LEMD3: variants seen among roughly 807,000 people sequenced by gnomAD.
LEMD3 encodes the protein inner nuclear membrane protein Man1.
A neutral mutation model predicts 95.2 loss-of-function variants in LEMD3; 33 were observed. The observed-to-expected ratio is 0.35, with a 90% CI of 0.26 to 0.46. The LOEUF (loss-of-function observed/expected upper bound fraction) is 0.46. Among genes scored for constraint, LEMD3 ranks in the 20% least tolerant of loss-of-function variants. The probability of loss-of-function intolerance (pLI) is 1.00; values close to 1 mark genes in which losing one functional copy is unlikely to be tolerated. For synonymous variants in LEMD3, 525 were observed against 474.6 expected, an observed-to-expected ratio of 1.11 and a Z score of -1.38; for missense variants, 1,210 against 1,192.8, an observed-to-expected ratio of 1.01 and a Z score of -0.21.
chr12:65,198,535 A>G (rs1592440418), intron 1 of LEMD3, among the ~76,000 whole-genome samples: 1 of 152,242 alleles, frequency 6.6e-6, no homozygotes, highest in Admixed American at 6.5e-5. Flanking sequence ...CCCATATTTT[A>G]AGTAGACATA....
intron 1 of LEMD3, among the ~76,000 whole-genome samples, chr12:65,183,124 T>C (rs1178369612): frequency 6.6e-6 from 1 of 152,174 alleles, no homozygotes; most frequent in African/African-American, 2.4e-5. Context: ...CCAGTAGAAA[T>C]ATAAGCCACA....
chr12:65,244,565 T>C (rs569354885), intron 10 of LEMD3, among the ~76,000 whole-genome samples: 1 of 152,304 alleles, frequency 6.6e-6, no homozygotes, highest in Non-Finnish European at 1.5e-5. Context: ...ATGTTAGTCC[T>C]GTATCAATTA....
In LEMD3 at chr12:65,223,117, G is replaced by A. The variant is rs555713668; in HGVS notation, c.1695+4498G>A. Among the ~76,000 whole-genome samples the A allele has an allele frequency of 1.5e-3, 229 of 152,016 alleles. 1 individual carries two copies. Among genetic ancestry groups the A allele is most frequent in the Middle Eastern group, 6.8e-3 (2 of 294 alleles). ...TAAGAATGTGTATTCTACTCCTGTT[G>A]GGTGGAATTTTCTGTATATTTCTGT... On this transcript the variant is annotated intron_variant, in intron 4 of 12. Transcript: ENST00000308330.
intron 10 of LEMD3, among the ~76,000 whole-genome samples, chr12:65,243,896 C>A (rs1329158198): frequency 6.6e-6 from 1 of 152,066 alleles, no homozygotes; most frequent in Non-Finnish European, 1.5e-5. Context: ...ATGTATATAC[C>A]TGCTTCTCTA....
At chr12:65,202,037 A>T (rs1869617338) in intron 1 of LEMD3, among the ~76,000 whole-genome samples, 1 of 144,682 alleles carries the variant, frequency 6.9e-6, no homozygotes. Flanking sequence ...TTGAGATGGA[A>T]TTTTGTTCTT....
At chr12:65,209,395 A>G (rs923529884) in intron 1 of LEMD3, among the ~76,000 whole-genome samples, 3 of 152,164 alleles carry the variant, frequency 2.0e-5, no homozygotes, top group Admixed American at 6.5e-5. Flanking sequence ...TAAAGAGCAA[A>G]TAAAACACCT....
rs1289244689 is a variant in LEMD3, at chr12:65,170,019, G to T, written c.423G>T (p.Ser141=). ...GCAAAGTGCTGCTGGGCTTCAGCTC[G>T]GACGAGTCGGACGTGGAGGCCAGTC... ...AGSKVLLGFS[S]DESDVEASPR... Residue 141 remains serine, a synonymous_variant, in exon 1 of 13, where the codon TCG becomes TCT. Coordinates refer to ENST00000308330, the MANE Select transcript of LEMD3 (RefSeq NM_014319.5). The T allele has an allele frequency of 6.6e-7, 1 of 1,505,788 alleles. No homozygotes were observed. The highest frequency in any genetic ancestry group is 2.4e-5 in the Admixed American group (1 of 42,108). 93.3% of individuals were successfully genotyped at this position (1,505,788 alleles called of 1,614,324 possible).
chr12:65,210,169 C>T (rs1869894806), intron 1 of LEMD3, among the ~76,000 whole-genome samples: 1 of 151,910 alleles, frequency 6.6e-6, no homozygotes, highest in South Asian at 2.1e-4. Flanking sequence ...GTGGTAAATC[C>T]TTTCCTTATT....
intron 2 of LEMD3, among the ~76,000 whole-genome samples, chr12:65,211,233 A>AC (rs1373736779): frequency 1.3e-5 from 2 of 152,182 alleles, no homozygotes; most frequent in Non-Finnish European, 2.9e-5. Context: ...ACTGTAAAAG[A>AC]CTACTGCCAA....
chr12:65,183,353 C>G (rs1454225090), intron 1 of LEMD3, among the ~76,000 whole-genome samples: 2 of 152,054 alleles, frequency 1.3e-5, no homozygotes, highest in African/African-American at 2.4e-5. Context: ...TTCAAGTGCT[C>G]AGTAGCCACA....
chr12:65,178,195 T>C (rs1868788045), intron 1 of LEMD3, among the ~76,000 whole-genome samples: 1 of 151,640 alleles, frequency 6.6e-6, no homozygotes, highest in Non-Finnish European at 1.5e-5. Context: ...TTTGAAGTTT[T>C]ACGAGTTGAC....
intron 4 of LEMD3, among the ~76,000 whole-genome samples, chr12:65,231,278 CA>C (rs1870618229): frequency 6.6e-6 from 1 of 151,970 alleles, no homozygotes; most frequent in South Asian, 2.1e-4. Flanking sequence ...CTGTCAAAAG[CA>C]AAACAGAGAG....
chr12:65,210,345 A>G (rs1425219090), intron 1 of LEMD3, among the ~76,000 whole-genome samples: 1 of 152,116 alleles, frequency 6.6e-6, no homozygotes, highest in Non-Finnish European at 1.5e-5. Context: ...TGAATTATTC[A>G]GTTTTAAAGC....
At position 65,217,237 on chromosome 12, in the gene LEMD3, T is replaced by C. The variant is rs142679930; in HGVS notation, c.1627+1194T>C. Reference sequence around the variant, plus strand: ...TGCCTCTGTCACAACCACTCAGTTATGTTATACCATGAAAGCAGCCATAAA... The same window carrying C: ...TGCCTCTGTCACAACCACTCAGTTACGTTATACCATGAAAGCAGCCATAAA... On this transcript the variant is annotated intron_variant, in intron 3 of 12. Coordinates refer to ENST00000308330, the MANE Select transcript of LEMD3 (RefSeq NM_014319.5). 6.2e-4 allele frequency among the ~76,000 whole-genome samples: 94 copies of C among 152,312 alleles called. No individual in the cohort carries two copies. The South Asian group carries it at 7.7e-3, about 12-fold the overall frequency.
At chr12:65,203,594 G>A (rs939400847) in intron 1 of LEMD3, among the ~76,000 whole-genome samples, 4 of 152,084 alleles carry the variant, frequency 2.6e-5, no homozygotes, top group African/African-American at 9.7e-5. Context: ...ATGTAAGCTT[G>A]TGAAGACTGT....
At chr12:65,193,237 G>A (rs890584869) in intron 1 of LEMD3, among the ~76,000 whole-genome samples, 1 of 152,164 alleles carries the variant, frequency 6.6e-6, no homozygotes, top group African/African-American at 2.4e-5. Context: ...TTTAAAGCAG[G>A]AATGAAAGGA....
chr12:65,177,154 G>T (rs892797713), intron 1 of LEMD3, among the ~76,000 whole-genome samples: 2 of 152,160 alleles, frequency 1.3e-5, no homozygotes, highest in Admixed American at 1.3e-4. Flanking sequence ...ATTTTATTCT[G>T]TAGGTTGAGT....
At chr12:65,194,328 A>G (rs548147784) in intron 1 of LEMD3, among the ~76,000 whole-genome samples, 1 of 152,242 alleles carries the variant, frequency 6.6e-6, no homozygotes, top group Non-Finnish European at 1.5e-5. Flanking sequence ...ATTTTAATTC[A>G]TGGAGAGCCA....
At chr12:65,212,615 T>C (rs1869976967) in intron 2 of LEMD3, among the ~76,000 whole-genome samples, 1 of 151,236 alleles carries the variant, frequency 6.6e-6, no homozygotes, top group South Asian at 2.1e-4. Flanking sequence ...GGTGACAATA[T>C]ATGAGAAAAT....
Sources: allele counts gnomAD v4.1 joint callset (sites outside exome capture counted in the v4.1 genomes callset), GRCh38; gene constraint gnomAD v4.1.1; transcripts MANE v1.5; gene names NCBI Gene and HGNC (gene_info 2026-07-23, HGNC 2026-07-21).